TTC28: variants seen among roughly 807,000 people sequenced by gnomAD.
TTC28 encodes tetratricopeptide repeat protein 28.
TTC28 carries 61 observed loss-of-function variants against 198.0 expected under a neutral mutation model. The observed-to-expected ratio is 0.31, with a 90% CI of 0.25 to 0.38. TTC28 has a LOEUF of 0.38. Among genes scored for constraint, TTC28 ranks in the 10% least tolerant of loss-of-function variants. The pLI, the probability that TTC28 is intolerant of heterozygous loss-of-function variation, is 1.00. For missense variants in TTC28, 2,678 were observed against 3,164.0 expected (o/e 0.85, Z 3.69); for synonymous variants, 1,171 against 1,297.8 (o/e 0.90, Z 2.10).
At chr22:28,448,502 A>C (rs2047733461) in intron 2 of TTC28, among the ~76,000 whole-genome samples, 1 of 152,172 alleles carries the variant, frequency 6.6e-6, no homozygotes, top group South Asian at 2.1e-4. Context: ...TTGTTCAAAA[A>C]TTAACATATT....
At chr22:28,199,387 A>ATT (rs1448847405) in intron 5 of TTC28, among the ~76,000 whole-genome samples, 1 of 5,870 alleles carries the variant, frequency 1.7e-4, no homozygotes, top group African/African-American at 4.5e-4. Flanking sequence ...TAAAAATTAT[A>ATT]TATATATATA....
intron 6 of TTC28, among the ~76,000 whole-genome samples, chr22:28,147,012 C>T (rs1465418835): frequency 3.3e-5 from 5 of 152,170 alleles, no homozygotes; most frequent in Non-Finnish European, 7.4e-5. Flanking sequence ...TAAAGGACCA[C>T]TTTCAGAAAT....
At chr22:28,302,983 A>C (rs2045058372) in intron 3 of TTC28, among the ~76,000 whole-genome samples, 1 of 152,220 alleles carries the variant, frequency 6.6e-6, no homozygotes. Context: ...TTATACATTT[A>C]ACAGGCATTT....
Position 28,679,729 on chromosome 22 carries a change from CG to C in TTC28, c.-7del, listed in dbSNP as rs1167190108. ...GGCGGCGGCGACTGCTCCATCCCCA[CG>C]GGGCCCGGGCCGCGTCCGCCTCGAG... On this transcript the variant is annotated 5_prime_UTR_variant, in exon 1 of 23. Transcript: ENST00000397906. 11 of 1,229,088 alleles carry C rather than the reference CG, an allele frequency of 8.9e-6. No homozygotes were observed. In the South Asian group the frequency reaches 2.4e-4, roughly 26 times the overall value. The allele number at this position is 1,229,088 out of a possible 1,614,324, so 76.1% of individuals were successfully genotyped here. A position where few individuals can be genotyped will look rare whatever the true frequency, so the allele number is the denominator to read the frequency against.
At chr22:28,319,611 A>C (rs906794195) in intron 2 of TTC28, among the ~76,000 whole-genome samples, 2 of 152,210 alleles carry the variant, frequency 1.3e-5, no homozygotes. Context: ...CTGTCTGCTC[A>C]ATTTTGCTAA....
chr22:28,422,961 C>T (rs924893347), intron 2 of TTC28, among the ~76,000 whole-genome samples: 3 of 152,088 alleles, frequency 2.0e-5, no homozygotes, highest in African/African-American at 7.2e-5. Context: ...TACTTCTTCA[C>T]TTAAAATAGT....
At chr22:28,306,426 TAA>T in intron 3 of TTC28, 68 bp downstream of exon 3, 1 of 1,493,162 alleles carries the variant, frequency 6.7e-7, no homozygotes. Context: ...TGCCTGAGCC[TAA>T]AGTCTTGGAA....
At chr22:28,613,462 A>G (rs115886470) in intron 2 of TTC28, among the ~76,000 whole-genome samples, 85 of 152,350 alleles carry the variant, frequency 5.6e-4, no homozygotes, top group African/African-American at 2.0e-3. Flanking sequence ...AGCCAGCATC[A>G]TCCTGATACC....
At chr22:28,392,870 CTTTT>C (rs1245558034) in intron 2 of TTC28, among the ~76,000 whole-genome samples, 4 of 80,688 alleles carry the variant, frequency 5.0e-5, no homozygotes, top group African/African-American at 1.5e-4. Flanking sequence ...TTCCTCCCTC[CTTTT>C]TTTTTTTTTT....
intron 12 of TTC28, among the ~76,000 whole-genome samples, chr22:28,062,413 CTT>C (rs57398979): frequency 0.28 from 29,033 of 102,282 alleles, 3,669 homozygotes; most frequent in African/African-American, 0.39. Context: ...TTTAACTCTT[CTT>C]TTTTTTTTTT....
intron 2 of TTC28, among the ~76,000 whole-genome samples, chr22:28,561,072 CTTTTTT>C (rs11296581): frequency 1.7e-5 from 1 of 58,732 alleles, no homozygotes; most frequent in Non-Finnish European, 3.2e-5. Context: ...CCTTCATTTT[CTTTTTT>C]TTTTTTTTTT....
intron 5 of TTC28, among the ~76,000 whole-genome samples, chr22:28,220,075 T>G (rs1251220207): frequency 6.6e-6 from 1 of 152,218 alleles, no homozygotes; most frequent in African/African-American, 2.4e-5. Context: ...GTTTCAGGAA[T>G]AAGACAATTA....
At chr22:28,466,190 G>T (rs140257300) in intron 2 of TTC28, among the ~76,000 whole-genome samples, 30 of 152,300 alleles carry the variant, frequency 2.0e-4, no homozygotes, top group African/African-American at 7.2e-4. Flanking sequence ...GACTTAACTT[G>T]TTACCTCAGG....
intron 5 of TTC28, among the ~76,000 whole-genome samples, chr22:28,238,512 A>C (rs1339516312): frequency 6.6e-6 from 1 of 152,182 alleles, no homozygotes; most frequent in East Asian, 1.9e-4. Context: ...GTTTTAAAGT[A>C]CTTGTCTGTT....
rs929673504 is a variant in TTC28, at chr22:27,998,458, C to T, written c.5119+82G>A. The T allele has an allele frequency of 2.0e-5, 29 of 1,474,852 alleles. No individual in the cohort carries two copies. The African/African-American group carries it at 4.1e-4, about 21-fold the overall frequency. The allele number at this position is 1,474,852 out of a possible 1,614,324, so 91.4% of individuals were successfully genotyped here. On this transcript the variant is annotated intron_variant, in intron 16 of 22. Transcript: ENST00000397906. Reference sequence around the variant, plus strand: ...CTTGCCCTGCCCTCCCCTCCCCAACCCCACTGGCAGAATAAAGTCGGGGGG... The same window carrying T: ...CTTGCCCTGCCCTCCCCTCCCCAACTCCACTGGCAGAATAAAGTCGGGGGG...
intron 2 of TTC28, among the ~76,000 whole-genome samples, chr22:28,554,444 A>G (rs12169966): frequency 0.069 from 10,514 of 152,196 alleles, 525 homozygotes; most frequent in Non-Finnish European, 0.096. Context: ...AGAAGACAAC[A>G]TTGGAAAAAC....
At chr22:28,208,440 T>C (rs926896868) in intron 5 of TTC28, among the ~76,000 whole-genome samples, 2 of 152,094 alleles carry the variant, frequency 1.3e-5, no homozygotes, top group Non-Finnish European at 2.9e-5. Context: ...TCCAGAAGAA[T>C]CAAGAGAACC....
At chr22:28,464,756 C>T (rs981791862) in intron 2 of TTC28, among the ~76,000 whole-genome samples, 1 of 152,194 alleles carries the variant, frequency 6.6e-6, no homozygotes, top group African/African-American at 2.4e-5. Flanking sequence ...GTTATCACTT[C>T]ATTTTCAATA....
chr22:28,522,883 A>G (rs1013835894), intron 2 of TTC28, among the ~76,000 whole-genome samples: 4 of 152,106 alleles, frequency 2.6e-5, no homozygotes, highest in African/African-American at 9.7e-5. Flanking sequence ...AAGGCAGGGG[A>G]GAGGGAGAAT....
Sources: gnomAD v4.1 joint callset for allele counts (sites outside exome capture counted in the v4.1 genomes callset) on GRCh38, gnomAD v4.1.1 for gene constraint, MANE v1.5 for transcripts, NCBI Gene and HGNC (gene_info 2026-07-23, HGNC 2026-07-21) for gene names.